The following GUCY1A2 variants were observed in gnomAD, a reference collection of about 807,000 sequenced individuals.
GUCY1A2 encodes the protein guanylate cyclase soluble subunit alpha-2.
GUCY1A2 carries 27 observed loss-of-function variants against 63.5 expected under a neutral mutation model. The observed-to-expected ratio is 0.43, with a 90% CI of 0.31 to 0.59. The LOEUF is 0.59. GUCY1A2 is among the 20% of genes least tolerant of loss of function. The probability of loss-of-function intolerance (pLI) is 0.11; values close to 1 mark genes in which losing one functional copy is unlikely to be tolerated. For synonymous variants in GUCY1A2, 364 were observed against 343.5 expected (o/e 1.06, Z -0.66); for missense variants, 768 against 913.3 (o/e 0.84, Z 2.05).
At chr11:106,936,552 A>C in intron 4 of GUCY1A2, 1 of 606,556 alleles carries the variant, frequency 1.6e-6, no homozygotes, top group East Asian at 2.9e-5. Context: ...AGAGAGAAGA[A>C]TATGTGAGGC....
rs1862336097 is a variant in GUCY1A2 at position 106,675,799 on chromosome 11, T to C, written c.*11750A>G. ...CATAGATACCAATTTATATGGTAGC[T>C]GCCTGTTTTTTCACAATTTCAAAAT... On this transcript the variant is annotated 3_prime_UTR_variant, in exon 8 of 8. Transcript: ENST00000526355. The C allele has an allele frequency of 5.3e-6, 1 of 190,392 alleles. No individual in the cohort carries two copies. The highest frequency in any genetic ancestry group is 1.1e-5 in the Non-Finnish European group (1 of 90,726). 11.8% of individuals were successfully genotyped at this position (190,392 alleles called of 1,614,324 possible).
At chr11:106,988,136 A>G (rs1177288658) in intron 1 of GUCY1A2, among the ~76,000 whole-genome samples, 1 of 152,230 alleles carries the variant, frequency 6.6e-6, no homozygotes, top group Admixed American at 6.5e-5. Context: ...CGAAGAGGCA[A>G]TGGAATGGTT....
chr11:106,694,299 C>G (rs776364113), intron 7 of GUCY1A2, among the ~76,000 whole-genome samples: 5 of 152,182 alleles, frequency 3.3e-5, no homozygotes, highest in Non-Finnish European at 5.9e-5. Flanking sequence ...TTCAATGTCT[C>G]AGGAGAACAA....
chr11:106,919,594 C>G (rs748908797), intron 4 of GUCY1A2, among the ~76,000 whole-genome samples: 25 of 152,012 alleles, frequency 1.6e-4, no homozygotes, highest in Non-Finnish European at 3.1e-4. Flanking sequence ...GGCATGTGGA[C>G]TCCCCAGGTG....
chr11:106,830,347 G>C (rs1859033427), intron 4 of GUCY1A2, among the ~76,000 whole-genome samples: 1 of 152,146 alleles, frequency 6.6e-6, no homozygotes, highest in South Asian at 2.1e-4. Flanking sequence ...AGTTGACAAG[G>C]GGTGGACTTG....
chr11:106,958,816 C>T (rs961654527), intron 3 of GUCY1A2, among the ~76,000 whole-genome samples: 4 of 152,170 alleles, frequency 2.6e-5, no homozygotes, highest in African/African-American at 9.7e-5. Context: ...AATAGATGTT[C>T]AGGTTTATTC....
intron 6 of GUCY1A2, among the ~76,000 whole-genome samples, chr11:106,740,384 A>C (rs1863672883): frequency 6.6e-6 from 1 of 152,072 alleles, no homozygotes; most frequent in Non-Finnish European, 1.5e-5. Flanking sequence ...AAGAAGCTTA[A>C]AATATTTTCT....
At chr11:106,763,950 A>T (rs1484467116) in intron 6 of GUCY1A2, among the ~76,000 whole-genome samples, 1 of 152,110 alleles carries the variant, frequency 6.6e-6, no homozygotes, top group African/African-American at 2.4e-5. Context: ...TGCCTTTTGG[A>T]TTCTCTGATA....
chr11:106,936,327 G>T (rs1860676706), intron 4 of GUCY1A2, among the ~76,000 whole-genome samples: 1 of 152,120 alleles, frequency 6.6e-6, no homozygotes, highest in South Asian at 2.1e-4. Context: ...AACAATATTT[G>T]ATATACATGG....
chr11:106,749,969 G>C (rs1863855755), intron 6 of GUCY1A2, among the ~76,000 whole-genome samples: 2 of 152,068 alleles, frequency 1.3e-5, no homozygotes, highest in African/African-American at 2.4e-5. Flanking sequence ...GAGTTTATTA[G>C]GGAGAATTGG....
chr11:106,827,556 A>T (rs1455604650), intron 4 of GUCY1A2: 3 of 1,454,650 alleles, frequency 2.1e-6, no homozygotes, highest in Non-Finnish European at 2.9e-6. Context: ...TAGCTCCAGC[A>T]CACAGAGTTT....
intron 4 of GUCY1A2, among the ~76,000 whole-genome samples, chr11:106,838,426 C>G (rs1859146034): frequency 6.6e-6 from 1 of 151,908 alleles, no homozygotes; most frequent in South Asian, 2.1e-4. Context: ...AAGTAGAATT[C>G]AGTTGTAATT....
chr11:106,787,043 C>T (rs972168592), intron 5 of GUCY1A2, among the ~76,000 whole-genome samples: 2 of 151,896 alleles, frequency 1.3e-5, no homozygotes, highest in African/African-American at 4.8e-5. Flanking sequence ...TCCTGTGACC[C>T]AATTTAGCAT....
Position 106,939,887 on chromosome 11 carries a change from T to A in GUCY1A2, c.779A>T (p.Lys260Met), listed in dbSNP as rs1860729614. 1.2e-6 allele frequency: 2 copies of A among 1,614,042 alleles called. No individual in the cohort carries two copies. The change falls in exon 4 of 8, where the codon AAG becomes ATG. Residue 260 changes from lysine to methionine, a missense_variant. Lys to Met is a moderately conservative substitution (Grantham distance 95). Transcript: ENST00000526355. ...MLGMIKAAGK[K>M]IYRLDVEVEQ... Reference sequence around the variant, plus strand: ...CACTTCCACATCCAGCCGATAGATCTTCTTTCCTGCAGCCTTAATCATCCC... The same window carrying A: ...CACTTCCACATCCAGCCGATAGATCATCTTTCCTGCAGCCTTAATCATCCC...
chr11:106,927,328 G>T (rs942447781), intron 4 of GUCY1A2, among the ~76,000 whole-genome samples: 1 of 151,230 alleles, frequency 6.6e-6, no homozygotes, highest in Non-Finnish European at 1.5e-5. Flanking sequence ...AGCAGAGATC[G>T]CGCTACTGCA....
chr11:106,763,577 C>A (rs562707473), intron 6 of GUCY1A2, among the ~76,000 whole-genome samples: 2 of 152,026 alleles, frequency 1.3e-5, no homozygotes, highest in African/African-American at 4.8e-5. Context: ...TTAAGGCAAA[C>A]AAGTTGAATG....
chr11:106,705,223 C>T (rs1862888612), intron 7 of GUCY1A2, among the ~76,000 whole-genome samples: 1 of 152,078 alleles, frequency 6.6e-6, no homozygotes, highest in Non-Finnish European at 1.5e-5. Context: ...ACTGAAATGT[C>T]ATACAGCGAT....
intron 6 of GUCY1A2, among the ~76,000 whole-genome samples, chr11:106,738,936 A>G (rs1183143388): frequency 6.6e-6 from 1 of 152,150 alleles, no homozygotes; most frequent in African/African-American, 2.4e-5. Context: ...GAAGAAAGTC[A>G]ATGGTAACTT....
chr11:106,979,907 AAG>A (rs10561425), intron 2 of GUCY1A2, among the ~76,000 whole-genome samples: 23,078 of 152,108 alleles, frequency 0.15, 2,083 homozygotes, highest in South Asian at 0.26. Flanking sequence ...TTGGCCTAGG[AAG>A]AGAGTGCTAT....
Sources: allele counts gnomAD v4.1 joint callset (sites outside exome capture counted in the v4.1 genomes callset), GRCh38; gene constraint gnomAD v4.1.1; transcripts MANE v1.5; gene names NCBI Gene and HGNC (gene_info 2026-07-23, HGNC 2026-07-21).